TBC1D30: variants seen among roughly 807,000 people sequenced by gnomAD.
The protein encoded by TBC1D30 is TBC1 domain family, member 30.
A neutral mutation model predicts 63.2 loss-of-function variants in TBC1D30; 31 were observed. The ratio of observed to expected loss-of-function variants is 0.49; its 90% CI spans 0.37 to 0.66. The LOEUF is 0.66. TBC1D30 is among the 30% of genes least tolerant of loss of function. TBC1D30 has a pLI of 0.00. For missense variants in TBC1D30, 810 were observed against 953.6 expected (o/e 0.85, Z 1.98); for synonymous variants, 307 against 361.5 (o/e 0.85, Z 1.71).
At chr12:64,782,348 C>T (rs1304212683) in intron 1 of TBC1D30, among the ~76,000 whole-genome samples, 10 of 149,984 alleles carry the variant, frequency 6.7e-5, no homozygotes, top group Non-Finnish European at 1.0e-4. Flanking sequence ...CTCAGACCTA[C>T]GTAAACAGCT....
intron 1 of TBC1D30, among the ~76,000 whole-genome samples, chr12:64,767,634 A>G (rs966826088): frequency 3.4e-4 from 52 of 152,028 alleles, no homozygotes; most frequent in Admixed American, 1.7e-3. Context: ...CTATGTGACT[A>G]TGTGTTATAA....
intron 8 of TBC1D30, among the ~76,000 whole-genome samples, chr12:64,857,528 A>G (rs969160793): frequency 6.6e-6 from 1 of 152,114 alleles, no homozygotes; most frequent in Non-Finnish European, 1.5e-5. Flanking sequence ...AGTCACTTTC[A>G]TTGCTATGAG....
At chr12:64,787,977 T>C (rs1372431094) in intron 2 of TBC1D30, among the ~76,000 whole-genome samples, 1 of 151,876 alleles carries the variant, frequency 6.6e-6, no homozygotes, top group Non-Finnish European at 1.5e-5. Flanking sequence ...GGGGTTGCAG[T>C]GAGCCAAGAT....
chr12:64,838,616 A>T, intron 6 of TBC1D30, 67 bp from the exon 7 acceptor site: 1 of 1,457,710 alleles, frequency 6.9e-7, no homozygotes, highest in African/African-American at 1.4e-5. Context: ...GAAGACTAGA[A>T]AAGGGTATCT....
At position 64,786,015 on chromosome 12, in the gene TBC1D30, GC is replaced by G. The variant is rs1871550083; in HGVS notation, c.615del (p.Cys206AlafsTer15). On this transcript the variant is annotated frameshift_variant, in exon 2 of 13. Transcript: ENST00000542120. LOFTEE classifies it high-confidence loss of function. ...GCAGAGGAACTGTGATATTGTGACTGCCTGCTTGCAGGCTGTGTCACAGAAG... is the reference window on the plus strand; with the variant it reads ...GCAGAGGAACTGTGATATTGTGACTGCTGCTTGCAGGCTGTGTCACAGAAG... The G allele has an allele frequency of 7.8e-7, 1 of 1,288,724 alleles. No homozygotes were observed. The highest frequency in any genetic ancestry group is 1.0e-6 in the Non-Finnish European group (1 of 987,894). The allele number at this position is 1,288,724 out of a possible 1,614,324, so 79.8% of individuals were successfully genotyped here. A position where few individuals can be genotyped will look rare whatever the true frequency, so the allele number is the denominator to read the frequency against.
Position 64,875,327 on chromosome 12 carries a change from G to A in TBC1D30, c.1825G>A (p.Ala609Thr), listed in dbSNP as rs2136489764. Reference protein sequence around the residue: ...SKTNGLGAAEAFPSGCTATAG... With the variant: ...SKTNGLGAAETFPSGCTATAG... ...GACCAATGGGCTGGGGGCAGCAGAG[G>A]CATTCCCCTCTGGTTGTACAGCGAC... Residue 609 changes from alanine to threonine, a missense_variant, in exon 12 of 12, where the codon GCA becomes ACA. Physicochemically the swap from Ala to Thr is moderately conservative, Grantham distance 58 (BLOSUM62 0). Transcript: ENST00000539867. The A allele has an allele frequency of 1.3e-6, 2 of 1,536,160 alleles. No homozygotes were observed. Among genetic ancestry groups the A allele is most frequent in the East Asian group, 2.4e-5 (1 of 40,916 alleles).
chr12:64,863,469 G>C (rs1052443111), intron 8 of TBC1D30, among the ~76,000 whole-genome samples: 2 of 152,208 alleles, frequency 1.3e-5, no homozygotes, highest in Admixed American at 1.3e-4. Flanking sequence ...CAAGTCTGGA[G>C]TGTCTATGAT....
chr12:64,826,715 T>C (rs1201495621), intron 1 of TBC1D30, among the ~76,000 whole-genome samples: 5 of 152,152 alleles, frequency 3.3e-5, no homozygotes, highest in African/African-American at 4.8e-5. Flanking sequence ...AGTATGGTTA[T>C]GGCCCTGAAG....
intron 1 of TBC1D30, among the ~76,000 whole-genome samples, chr12:64,770,208 T>C (rs1331472038): frequency 6.6e-6 from 1 of 152,206 alleles, no homozygotes; most frequent in Non-Finnish European, 1.5e-5. Flanking sequence ...TTTTCAAAAG[T>C]AGAGACTCTA....
rs1315339234 is a variant in TBC1D30 at position 64,875,277 on chromosome 12, T to G, written c.1775T>G (p.Ile592Arg). ...HPGCGDTVGLIDEQNEASKTN... is the reference protein window; with the variant it reads ...HPGCGDTVGLRDEQNEASKTN... ...GGCTGTGGGGACACCGTAGGGCTGATAGATGAGCAGAACGAGGCCAGCAAG... is the reference window on the plus strand; with the variant it reads ...GGCTGTGGGGACACCGTAGGGCTGAGAGATGAGCAGAACGAGGCCAGCAAG... Residue 592 changes from isoleucine to arginine, a missense_variant, in exon 12 of 12, where the codon ATA (isoleucine) becomes AGA (arginine). Physicochemically the swap from Ile to Arg is moderately conservative, Grantham distance 97 (BLOSUM62 -3). Coordinates refer to ENST00000539867, the MANE Select transcript of TBC1D30 (RefSeq NM_015279.2). 4.6e-6 allele frequency: 7 copies of G among 1,536,094 alleles called. No individual in the cohort carries two copies. Among genetic ancestry groups the G allele is most frequent in the Non-Finnish European group, 6.1e-6 (7 of 1,146,854 alleles).
upstream of TBC1D30, among the ~76,000 whole-genome samples, chr12:64,822,993 A>T (rs868227983): frequency 6.6e-6 from 1 of 152,028 alleles, no homozygotes; most frequent in South Asian, 2.1e-4. Flanking sequence ...ATTGCTGCTG[A>T]GTTGTCCTTA....
chr12:64,760,380 G>T (rs1246469414), intron 1 of TBC1D30, among the ~76,000 whole-genome samples: 1 of 151,920 alleles, frequency 6.6e-6, no homozygotes, highest in East Asian at 1.9e-4. Flanking sequence ...CCTGGCCAAC[G>T]TGGGGAAACC....
chr12:64,794,916 T>G lies in TBC1D30; in HGVS notation c.643+8871T>G, dbSNP rs946089606. Among the ~76,000 whole-genome samples the G allele has an allele frequency of 2.0e-5, 3 of 152,340 alleles. No homozygotes were observed. The East Asian group carries it at 5.8e-4, about 29-fold the overall frequency. ...TTCATAGATGCAATATATTTTCTTATTGCTCTAAAGATATTATGATAGAGA... is the reference window on the plus strand; with the variant it reads ...TTCATAGATGCAATATATTTTCTTAGTGCTCTAAAGATATTATGATAGAGA... On this transcript the variant is annotated intron_variant, in intron 2 of 12. Transcript: ENST00000542120.
intron 2 of TBC1D30, among the ~76,000 whole-genome samples, chr12:64,787,620 A>G (rs1253189330): frequency 1.3e-5 from 2 of 152,082 alleles, no homozygotes; most frequent in African/African-American, 4.8e-5. Flanking sequence ...TTTCATTCTT[A>G]TGTTTATTAT....
chr12:64,817,013 T>C (rs554126559), intron 2 of TBC1D30, among the ~76,000 whole-genome samples: 26 of 152,324 alleles, frequency 1.7e-4, no homozygotes. Context: ...GAAATTTTGC[T>C]GACATCTGCC....
chr12:64,759,598 A>G, exon 1 of TBC1D30: 1 of 382,510 alleles, frequency 2.6e-6, no homozygotes, highest in Non-Finnish European at 4.7e-6. Context: ...GAACCGGAGA[A>G]AAGGGCGGAG....
chr12:64,769,828 T>C (rs1389142690), intron 1 of TBC1D30, among the ~76,000 whole-genome samples: 1 of 152,192 alleles, frequency 6.6e-6, no homozygotes, highest in Non-Finnish European at 1.5e-5. Flanking sequence ...CTGAAAAATT[T>C]TTTGAAAAAT....
At chr12:64,810,114 G>A (rs74099683) in intron 2 of TBC1D30, among the ~76,000 whole-genome samples, 5,619 of 152,030 alleles carry the variant, frequency 0.037, 371 homozygotes, top group African/African-American at 0.13. Context: ...TCAAGGCCTC[G>A]GAGAAATGAT....
intron 1 of TBC1D30, among the ~76,000 whole-genome samples, chr12:64,783,117 T>C (rs1265567749): frequency 6.6e-6 from 1 of 152,160 alleles, no homozygotes; most frequent in Middle Eastern, 3.2e-3. Flanking sequence ...AGCCTGTGTA[T>C]TGTCTCCTCT....
Sources: allele counts gnomAD v4.1 joint callset (sites outside exome capture counted in the v4.1 genomes callset), GRCh38; gene constraint gnomAD v4.1.1; transcripts MANE v1.5; gene names NCBI Gene and HGNC (gene_info 2026-07-23, HGNC 2026-07-21).